NBPF19: variants seen among roughly 807,000 people sequenced by gnomAD.
NBPF19 encodes the protein NBPF family member NBPF19.
In NBPF19, 30 loss-of-function variants were observed where a neutral mutation model predicts 45.9. The observed-to-expected ratio is 0.65, with a 90% CI of 0.49 to 0.89. The LOEUF (loss-of-function observed/expected upper bound fraction) is 0.89. NBPF19 is among the 40% of genes least tolerant of loss of function. The pLI, the probability that NBPF19 is intolerant of heterozygous loss-of-function variation, is 0.00. For missense variants in NBPF19, 495 were observed against 471.8 expected (o/e 1.05, Z -0.46); for synonymous variants, 183 against 181.2 (o/e 1.01, Z -0.08).
At position 149,478,891 on chromosome 1, in the gene NBPF19, T is replaced by C; in HGVS notation, c.290T>C (p.Val97Ala). 6.2e-7 allele frequency: 1 copy of C among 1,605,838 alleles called. No individual in the cohort carries two copies. The highest frequency in any genetic ancestry group is 8.5e-7 in the Non-Finnish European group (1 of 1,174,894). ...CCGTCTCACCTTAGGCAATATAAAG[T>C]CCTGTTTCACTCTCAGGAACGAGAG... ...KQAEELRQYK[V>A]LFHSQERELT... Residue 97 changes from valine to alanine, a missense_variant, in exon 4 of 94, where the codon GTC (valine) becomes GCC (alanine). Val to Ala is a moderately conservative substitution (Grantham distance 64, BLOSUM62 0). This residue lies in a region of NBPF19 where 69 missense variants were observed against 87.8 expected (regional missense o/e 0.79). Transcript: ENST00000651566.
chr1:149,478,069 A>C (rs2101544948), intron 3 of NBPF19, 22 bp downstream of exon 3: 1 of 1,563,062 alleles, frequency 6.4e-7, no homozygotes, highest in Non-Finnish European at 8.8e-7. Flanking sequence ...CCGTGGGGGG[A>C]GGGCAGGCGG....
At position 149,554,783 on chromosome 1, in the gene NBPF19, C is replaced by T; in HGVS notation, c.*45C>T. 1 of 1,606,482 alleles carries T rather than the reference C, an allele frequency of 6.2e-7. No homozygotes were observed. Among genetic ancestry groups the T allele is most frequent in the South Asian group, 1.1e-5 (1 of 90,834 alleles). On this transcript the variant is annotated 3_prime_UTR_variant, in exon 94 of 94. Transcript: ENST00000651566. ...GAGATGTCATTCCTGCAGGCAGGACCTATAGGCACGTGAAGATTTGAATGA... is the reference window on the plus strand; with the variant it reads ...GAGATGTCATTCCTGCAGGCAGGACTTATAGGCACGTGAAGATTTGAATGA...
chr1:149,478,731 C>G (rs2084997091), intron 3 of NBPF19, 149 bp from the exon 4 acceptor site: 2 of 961,760 alleles, frequency 2.1e-6, no homozygotes, highest in African/African-American at 1.6e-5. Context: ...TCTATTCTTC[C>G]TCTTGGCCAC....
rs1325016538 is a variant in NBPF19 at position 149,478,817 on chromosome 1, C to T, written c.279-63C>T. On this transcript the variant is annotated intron_variant, in intron 3 of 93. Coordinates refer to ENST00000651566, the MANE Select transcript of NBPF19 (RefSeq NM_001351365.2). ...GACATTGTCTCAGAAGTCTCTGTTG[C>T]AATATTTGAACGGATCACTCAACCC... 21 of 1,376,806 alleles carry T rather than the reference C, an allele frequency of 1.5e-5. No homozygotes were observed. The South Asian group carries it at 2.3e-4, about 15-fold the overall frequency. The allele number at this position is 1,376,806 out of a possible 1,614,324, so 85.3% of individuals were successfully genotyped here.
At chr1:149,488,485 G>T (rs1282476969) in intron 10 of NBPF19, among the ~76,000 whole-genome samples, 2 of 121,014 alleles carry the variant, frequency 1.7e-5, no homozygotes, top group African/African-American at 6.4e-5. Flanking sequence ...TCTCAATTTT[G>T]TAGATCTTGT....
Position 149,488,407 on chromosome 1 carries a change from C to A in NBPF19, c.1213+222C>A, listed in dbSNP as rs202037914. Among the ~76,000 whole-genome samples the A allele has an allele frequency of 7.7e-5, 11 of 142,122 alleles. 2 individuals carry two copies. The highest frequency in any genetic ancestry group is 2.5e-4 in the South Asian group (1 of 4,008). 93.2% of individuals were successfully genotyped at this position (142,122 alleles called of 152,430 possible). A position where few individuals can be genotyped will look rare whatever the true frequency, so the allele number is the denominator to read the frequency against. On this transcript the variant is annotated intron_variant, in intron 10 of 93. Transcript: ENST00000651566. ...TCCTAGTCTCAGGCCATACCTGTGG[C>A]GCCCTAATCCTACTCTCATGACGTT... is the stretch of plus-strand genomic sequence containing the variant.
In NBPF19 at chr1:149,493,943, G is replaced by T. The variant is rs1167826282; in HGVS notation, c.1997+232G>T. Among the ~76,000 whole-genome samples the T allele has an allele frequency of 1.5e-4, 7 of 45,668 alleles. No individual in the cohort carries two copies. In the South Asian group the frequency reaches 5.6e-3, roughly 36 times the overall value. The allele number at this position is 45,668 out of a possible 152,430, so 30.0% of individuals were successfully genotyped here. On this transcript the variant is annotated intron_variant, in intron 17 of 93. Coordinates refer to ENST00000651566, the MANE Select transcript of NBPF19 (RefSeq NM_001351365.2). ...ATACCTCAAAGGCTGTATGGCAACT[G>T]CATGGAATCTTGAGCAAGTTTATGG...
In NBPF19 at chr1:149,554,402, T is replaced by A. The variant is rs2087175123; in HGVS notation, c.11289-93T>A. On this transcript the variant is annotated intron_variant, in intron 93 of 93. Transcript: ENST00000651566. ...TAATGGATCTATCCTTTTTCTTTTC[T>A]AACCACTTCCTTATGTGACTTCTGA... 7 of 1,604,312 alleles carry A rather than the reference T, an allele frequency of 4.4e-6. No individual in the cohort carries two copies. The South Asian group carries it at 7.8e-5, about 18-fold the overall frequency.
intron 17 of NBPF19, among the ~76,000 whole-genome samples, chr1:149,494,091 C>T (rs1220563280): frequency 7.4e-6 from 1 of 135,078 alleles, no homozygotes; most frequent in Non-Finnish European, 1.5e-5. Flanking sequence ...AGCTCACTTT[C>T]TCCTCTCTCT....
intron 9 of NBPF19, 30 bp from the exon 10 acceptor site, chr1:149,487,983 C>A: frequency 8.7e-6 from 6 of 692,528 alleles, no homozygotes; most frequent in South Asian, 1.6e-5. Flanking sequence ...TTCCCCCTGG[C>A]TTATTCTTTA....
At chr1:149,529,057 A>T in intron 61 of NBPF19, 117 bp from the exon 62 acceptor site, 1 of 342,898 alleles carries the variant, frequency 2.9e-6, no homozygotes, top group Admixed American at 5.2e-5. Flanking sequence ...TACCTCATTA[A>T]TGGATCTATC....
At chr1:149,490,906 G>C (rs2085826401) in intron 13 of NBPF19, among the ~76,000 whole-genome samples, 1 of 132,018 alleles carries the variant, frequency 7.6e-6, no homozygotes, top group Non-Finnish European at 1.6e-5. Flanking sequence ...CTCTGTGTGT[G>C]TGTGTGTGTG....
At position 149,554,691 on chromosome 1, in the gene NBPF19, A is replaced by G; in HGVS notation, c.11485A>G (p.Thr3829Ala). 1.2e-6 allele frequency: 2 copies of G among 1,608,336 alleles called. No individual in the cohort carries two copies. The highest frequency in any genetic ancestry group is 1.7e-6 in the Non-Finnish European group (2 of 1,176,750). ...LDNRFFTLTV[T>A]SLHLVFQMLV... ...CAATAGGTTTTTTACTTTGACGGTG[A>G]CAAGTCTCCATCTGGTGTTCCAGAT... Residue 3829 changes from threonine to alanine, a missense_variant, in exon 94 of 94, where the codon ACA (threonine) becomes GCA (alanine). Coordinates refer to ENST00000651566, the MANE Select transcript of NBPF19 (RefSeq NM_001351365.2).
intron 3 of NBPF19, among the ~76,000 whole-genome samples, chr1:149,478,528 G>T (rs1346429735): frequency 6.6e-6 from 1 of 151,156 alleles, no homozygotes; most frequent in Non-Finnish European, 1.5e-5. Flanking sequence ...TTTGTATTTA[G>T]TGGCCGCAAG....
At chr1:149,528,051 C>CA (rs1425089908) in intron 60 of NBPF19, among the ~76,000 whole-genome samples, 2 of 107,386 alleles carry the variant, frequency 1.9e-5, no homozygotes, top group Non-Finnish European at 3.7e-5. Flanking sequence ...CAGGCAGATG[C>CA]AAAAAATTCA....
Position 149,497,683 on chromosome 1 carries a change from C to T in NBPF19, c.2663C>T (p.Ala888Val). 1.0e-5 allele frequency: 2 copies of T among 200,466 alleles called. 1 individual carries two copies. The highest frequency in any genetic ancestry group is 1.3e-5 in the Non-Finnish European group (2 of 154,948). 12.4% of individuals were successfully genotyped at this position (200,466 alleles called of 1,614,324 possible). A position where few individuals can be genotyped will look rare whatever the true frequency, so the allele number is the denominator to read the frequency against. Reference sequence around the variant, plus strand: ...TTGGAGCAACAGTGTGTTGGCTTGGCTATTGACATGGATGGTGAGTACCTT... The same window carrying T: ...TTGGAGCAACAGTGTGTTGGCTTGGTTATTGACATGGATGGTGAGTACCTT... ...YILEQQCVGL[A>V]IDMDEIEKYQ... Residue 888 changes from alanine (A) to valine (V), a missense_variant, in exon 22 of 94, where the codon GCT becomes GTT. Ala to Val is a moderately conservative substitution (Grantham distance 64). Coordinates refer to ENST00000651566, the MANE Select transcript of NBPF19 (RefSeq NM_001351365.2).
At position 149,477,559 on chromosome 1, in the gene NBPF19, G is replaced by A. The variant is rs1384542977; in HGVS notation, c.176-386G>A. Among the ~76,000 whole-genome samples, 3 of 151,178 alleles carry A rather than the reference G, an allele frequency of 2.0e-5. 1 individual carries two copies. The highest frequency in any genetic ancestry group is 4.4e-5 in the Non-Finnish European group (3 of 67,628). ...GGAAACCATCAGTCCCATAGTCCTA[G>A]GGGCCTTCCCGACTGTACAAGAAAT... On this transcript the variant is annotated intron_variant, in intron 2 of 93. Coordinates refer to ENST00000651566, the MANE Select transcript of NBPF19 (RefSeq NM_001351365.2).
At chr1:149,554,184 C>T (rs1477466378) in intron 93 of NBPF19, among the ~76,000 whole-genome samples, 854 of 143,114 alleles carry the variant, frequency 6.0e-3, no homozygotes, top group East Asian at 0.021. Context: ...TCACAGTTTG[C>T]TGTGTGTCAT....
At chr1:149,487,695 G>A (rs1244900211) in intron 9 of NBPF19, among the ~76,000 whole-genome samples, 1 of 150,186 alleles carries the variant, frequency 6.7e-6, no homozygotes, top group Non-Finnish European at 1.5e-5. Flanking sequence ...ACTGTTCACT[G>A]TGTGTCCTGA....
Sources: gnomAD v4.1 joint callset for allele counts (sites outside exome capture counted in the v4.1 genomes callset) on GRCh38, gnomAD v4.1.1 for gene constraint, gnomAD v4.1.1 regional missense constraint, MANE v1.5 for transcripts, NCBI Gene and HGNC (gene_info 2026-07-23, HGNC 2026-07-21) for gene names.